Variants in XKR4 observed in about 807,000 individuals in gnomAD.
XKR4 encodes XK related 4, also known as XK-related protein 4.
A neutral mutation model predicts 53.9 loss-of-function variants in XKR4; 12 were observed. The observed-to-expected ratio is 0.22, with a 90% CI of 0.14 to 0.36. The LOEUF (loss-of-function observed/expected upper bound fraction) is 0.36, where lower values mean the gene tolerates loss of function less well. Ranked by LOEUF, XKR4 falls within the 10% of genes least tolerant of loss-of-function variation. The pLI is 1.00. For synonymous variants in XKR4, 354 were observed against 362.4 expected (o/e 0.98, Z 0.26); for missense variants, 799 against 859.5 (o/e 0.93, Z 0.88).
intron 2 of XKR4, among the ~76,000 whole-genome samples, chr8:55,414,945 G>A (rs148462268): frequency 1.3e-5 from 2 of 152,112 alleles, no homozygotes; most frequent in Non-Finnish European, 2.9e-5. Flanking sequence ...TCCAGACCAG[G>A]CCTTTAATTT....
chr8:55,488,231 G>A (rs1806223227), intron 2 of XKR4, among the ~76,000 whole-genome samples: 1 of 152,144 alleles, frequency 6.6e-6, no homozygotes, highest in Non-Finnish European at 1.5e-5. Context: ...TGAGGATGCG[G>A]GGCAACAGGA....
intron 1 of XKR4, among the ~76,000 whole-genome samples, chr8:55,191,459 C>T (rs1052064732): frequency 4.6e-5 from 7 of 152,136 alleles, no homozygotes; most frequent in African/African-American, 1.7e-4. Flanking sequence ...CTCTTCTGTG[C>T]CCAGGGCCTG....
intron 1 of XKR4, among the ~76,000 whole-genome samples, chr8:55,329,361 A>G (rs1466501381): frequency 1.2e-4 from 18 of 152,108 alleles, no homozygotes; most frequent in Admixed American, 1.2e-3. Flanking sequence ...ACTTTCTTCA[A>G]ACATGAGATT....
intron 1 of XKR4, among the ~76,000 whole-genome samples, chr8:55,222,931 C>A (rs1445612827): frequency 6.6e-6 from 1 of 151,986 alleles, no homozygotes; most frequent in Non-Finnish European, 1.5e-5. Flanking sequence ...GGGACTATGT[C>A]ATTAGGGCAA....
intron 2 of XKR4, chr8:55,453,059 G>C (rs1805480944): frequency 3.3e-6 from 2 of 599,976 alleles, no homozygotes; most frequent in Non-Finnish European, 6.5e-6. Flanking sequence ...CCAACCTCCT[G>C]GGCTGGGGCC....
At chr8:55,334,379 A>T (rs549790583) in intron 1 of XKR4, among the ~76,000 whole-genome samples, 1 of 152,318 alleles carries the variant, frequency 6.6e-6, no homozygotes, top group African/African-American at 2.4e-5. Flanking sequence ...ATTGGAGCTT[A>T]GGGCTGGGTC....
At chr8:55,367,672 A>G (rs1215641966) in intron 2 of XKR4, among the ~76,000 whole-genome samples, 1 of 152,218 alleles carries the variant, frequency 6.6e-6, no homozygotes, top group African/African-American at 2.4e-5. Context: ...CCCATGGGTT[A>G]GTATCTCAAC....
chr8:55,377,119 A>G (rs1179820550), intron 2 of XKR4, among the ~76,000 whole-genome samples: 1 of 152,210 alleles, frequency 6.6e-6, no homozygotes, highest in Non-Finnish European at 1.5e-5. Context: ...GGAAAATGAA[A>G]GAAGTCTGCA....
At chr8:55,232,015 T>G (rs989805911) in intron 1 of XKR4, among the ~76,000 whole-genome samples, 1 of 152,182 alleles carries the variant, frequency 6.6e-6, no homozygotes, top group Non-Finnish European at 1.5e-5. Context: ...GATATTGACA[T>G]CATATGAAAC....
At chr8:55,271,132 C>T (rs1345037516) in intron 1 of XKR4, among the ~76,000 whole-genome samples, 1 of 152,040 alleles carries the variant, frequency 6.6e-6, no homozygotes, top group Admixed American at 6.6e-5. Context: ...CATTTGGCTT[C>T]AAAACATTAC....
intron 2 of XKR4, among the ~76,000 whole-genome samples, chr8:55,456,179 C>T (rs1454076296): frequency 1.3e-5 from 2 of 152,116 alleles, no homozygotes; most frequent in African/African-American, 4.8e-5. Flanking sequence ...CACCTGTAAT[C>T]CCAGCACTTT....
At chr8:55,419,074 C>T (rs990686581) in intron 2 of XKR4, among the ~76,000 whole-genome samples, 4 of 152,106 alleles carry the variant, frequency 2.6e-5, no homozygotes, top group Middle Eastern at 3.4e-3. Flanking sequence ...GTTCCAGCCT[C>T]GAATAAAGAG....
chr8:55,442,054 A>G (rs1216091586), intron 2 of XKR4, among the ~76,000 whole-genome samples: 1 of 152,064 alleles, frequency 6.6e-6, no homozygotes, highest in African/African-American at 2.4e-5. Flanking sequence ...ATTAACAAAA[A>G]TTTTTTTCTT....
At chr8:55,227,085 A>AC (rs1387878313) in intron 1 of XKR4, among the ~76,000 whole-genome samples, 1 of 151,858 alleles carries the variant, frequency 6.6e-6, no homozygotes, top group African/African-American at 2.4e-5. Context: ...TGTGGTGGCA[A>AC]CCCCCACCTT....
chr8:55,171,949 C>T (rs555631819), intron 1 of XKR4, among the ~76,000 whole-genome samples: 4 of 152,194 alleles, frequency 2.6e-5, no homozygotes, highest in Admixed American at 1.3e-4. Context: ...TTCTGATAGA[C>T]GTGTTCTATC....
chr8:55,103,399 A>G, intron 1 of XKR4, 105 bp downstream of exon 1: 4 of 1,481,650 alleles, frequency 2.7e-6, no homozygotes, highest in African/African-American at 1.4e-5. Flanking sequence ...TAGTAACCCT[A>G]GTCACACTCT....
chr8:55,255,464 A>T (rs1192857046), intron 1 of XKR4, among the ~76,000 whole-genome samples: 1 of 152,192 alleles, frequency 6.6e-6, no homozygotes, highest in Admixed American at 6.5e-5. Context: ...TACCAAATTA[A>T]TATAATAAAT....
chr8:55,469,409 T>G (rs1443006236), intron 2 of XKR4, among the ~76,000 whole-genome samples: 7 of 152,146 alleles, frequency 4.6e-5, no homozygotes, highest in Admixed American at 4.6e-4. Context: ...TTGCTATTAA[T>G]ATTTCCTCAT....
intron 1 of XKR4, among the ~76,000 whole-genome samples, chr8:55,220,683 G>T (rs981651213): frequency 1.3e-5 from 2 of 152,118 alleles, no homozygotes; most frequent in Non-Finnish European, 1.5e-5. Flanking sequence ...CAGCCAGTTT[G>T]GTTTGAACTC....
Sources: allele counts gnomAD v4.1 joint callset (sites outside exome capture counted in the v4.1 genomes callset), GRCh38; gene constraint gnomAD v4.1.1; transcripts MANE v1.5; gene names NCBI Gene and HGNC (gene_info 2026-07-23, HGNC 2026-07-21).